Variants in NKD2 observed in about 807,000 individuals in gnomAD.
The protein encoded by NKD2 is NKD inhibitor of Wnt signaling pathway 2, also known as protein naked cuticle homolog 2.
A neutral mutation model predicts 34.8 loss-of-function variants in NKD2; 43 were observed. That is an observed-to-expected ratio of 1.24 (90% CI 0.97 to 1.60). The LOEUF is 1.60. NKD2 is among the 40% of genes most tolerant of loss of function. The pLI is 0.00. For synonymous variants in NKD2, 278 were observed against 265.1 expected (o/e 1.05, Z -0.47); for missense variants, 675 against 627.1 (o/e 1.08, Z -0.82).
At chr5:1,036,229 G>T in intron 8 of NKD2, 28 bp from the exon 9 acceptor site, 1 of 1,562,722 alleles carries the variant, frequency 6.4e-7, no homozygotes, top group East Asian at 2.3e-5. Flanking sequence ...CTGTGCGGGG[G>T]TCAGGCCCTT....
intron 3 of NKD2, among the ~76,000 whole-genome samples, chr5:1,026,989 A>G (rs1186905339): frequency 6.6e-6 from 1 of 152,214 alleles, no homozygotes; most frequent in Non-Finnish European, 1.5e-5. Flanking sequence ...CTGGCAGCCC[A>G]GTTTGTAGGA....
chr5:1,032,613 A>G lies in NKD2; in HGVS notation c.202+401A>G, dbSNP rs371638835. 2.6e-5 allele frequency among the ~76,000 whole-genome samples: 4 copies of G among 152,340 alleles called. No homozygotes were observed. In the South Asian group the frequency reaches 6.2e-4, roughly 24 times the overall value. ...TGCCACGCGTGTATGCCTCAGTGGC[A>G]CCAGTCCTACCTGTGGCGCGTGGCA... On this transcript the variant is annotated intron_variant, in intron 4 of 9. Transcript: ENST00000296849.
In NKD2 at chr5:1,038,187, G is replaced by A. The variant is rs1307299099; in HGVS notation, c.1170G>A (p.Arg390=). 1.9e-6 allele frequency: 3 copies of A among 1,588,966 alleles called. No individual in the cohort carries two copies. The East Asian group carries it at 6.8e-5, about 36-fold the overall frequency. Residue 390 remains arginine, a synonymous_variant, in exon 10 of 10, where the codon AGG becomes AGA. Transcript: ENST00000296849. This position sits in a 1 kb window ranked among gnomAD's most constrained non-coding sequence, Gnocchi z 4.5. ...YGHKRYRQKG[R]EGHSPLKAPH... is the part of the protein sequence containing the mutation. ...ACAAGCGGTACCGCCAAAAGGGCAG[G>A]GAGGGCCACTCGCCACTCAAGGCCC...
chr5:1,010,380 T>A (rs926875382), intron 3 of NKD2, among the ~76,000 whole-genome samples: 2 of 151,436 alleles, frequency 1.3e-5, no homozygotes, highest in Admixed American at 6.6e-5. Flanking sequence ...TCCCCAGAGG[T>A]CCCCAGACAC....
In NKD2 at chr5:1,035,376, A is replaced by AC. The variant is rs149700113; in HGVS notation, c.575-7dup. On this transcript the variant is annotated splice_polypyrimidine_tract_variant and intron_variant, in intron 7 of 9. Coordinates refer to ENST00000296849, the MANE Select transcript of NKD2 (RefSeq NM_033120.4). ...GAGGGAGGGAGTGAGTAATGGCAGG[A>AC]CCCCCCTTTCAGACCGGGAGCCCAC... 0.01 allele frequency: 16,120 copies of AC among 1,551,832 alleles called. 186 individuals are homozygous for AC. The highest frequency in any genetic ancestry group is 0.023 in the Middle Eastern group (137 of 5,986).
At chr5:1,037,772 C>A (rs374314505) in intron 9 of NKD2, 33 bp from the exon 10 acceptor site, 1 of 1,563,150 alleles carries the variant, frequency 6.4e-7, no homozygotes, top group Non-Finnish European at 8.6e-7. Context: ...AGCCTGCACT[C>A]CCAGGGCCTC....
chr5:1,030,018 G>GGGGC (rs1554003989), intron 3 of NKD2, among the ~76,000 whole-genome samples: 7 of 150,552 alleles, frequency 4.6e-5, no homozygotes, highest in African/African-American at 1.7e-4. Context: ...TGTGGTGCGG[G>GGGGC]GGGGGGGGTA....
chr5:1,029,643 G>A (rs751098869), intron 3 of NKD2, among the ~76,000 whole-genome samples: 6 of 152,152 alleles, frequency 3.9e-5, no homozygotes, highest in African/African-American at 2.4e-5. Context: ...TGCGTGATGT[G>A]CTGTTTCTCA....
Position 1,009,138 on chromosome 5 carries a change from T to C in NKD2, c.26-41T>C. The C allele has an allele frequency of 1.9e-6, 1 of 526,582 alleles. No individual in the cohort carries two copies. Among genetic ancestry groups the C allele is most frequent in the South Asian group, 2.5e-5 (1 of 40,294 alleles). 32.6% of individuals were successfully genotyped at this position (526,582 alleles called of 1,614,324 possible). A position where few individuals can be genotyped will look rare whatever the true frequency, so the allele number is the denominator to read the frequency against. On this transcript the variant is annotated intron_variant, in intron 1 of 9. Coordinates refer to ENST00000296849, the MANE Select transcript of NKD2 (RefSeq NM_033120.4). This position sits in a 1 kb window ranked among gnomAD's most constrained non-coding sequence, Gnocchi z 6.9. ...GGGCGGGCGGGCGTGGGGCCGCCTC[T>C]CACTGTCGTTTTCCTCTCCCCGCGT...
rs1579240156 is a variant in NKD2, at chr5:1,008,902, C to T, written c.-156C>T. ...CGGCCGTACCTGGCGCCCCCTGGCT[C>T]CCCCGGCCCCCGCGCGGCGTGGAGC... On this transcript the variant is annotated 5_prime_UTR_variant, in exon 1 of 10. Transcript: ENST00000296849. 8.0e-6 allele frequency: 3 copies of T among 375,008 alleles called. No homozygotes were observed. The highest frequency in any genetic ancestry group is 7.7e-5 in the East Asian group (2 of 25,982). The allele number at this position is 375,008 out of a possible 1,614,324, so 23.2% of individuals were successfully genotyped here. A position where few individuals can be genotyped will look rare whatever the true frequency, so the allele number is the denominator to read the frequency against.
intron 3 of NKD2, among the ~76,000 whole-genome samples, chr5:1,021,672 G>A (rs552347601): frequency 6.6e-6 from 1 of 151,848 alleles, no homozygotes; most frequent in Non-Finnish European, 1.5e-5. Context: ...CCAGACAGGC[G>A]CGCTGGCGGA....
intron 6 of NKD2, 134 bp downstream of exon 6, chr5:1,034,464 C>G (rs755590482): frequency 1.3e-6 from 1 of 785,774 alleles, no homozygotes; most frequent in African/African-American, 1.7e-5. Context: ...GCTGGGCTTG[C>G]GTCTCCCCAG....
rs919016443 is a variant in NKD2, at chr5:1,033,236, A to T, written c.203-136A>T. 1.4e-5 allele frequency: 12 copies of T among 861,676 alleles called. No homozygotes were observed. The African/African-American group carries it at 2.1e-4, about 15-fold the overall frequency. 53.4% of individuals were successfully genotyped at this position (861,676 alleles called of 1,614,324 possible). ...CCTCCCTCCCCTCCGCAGGGGTCCC[A>T]AGATCGGGCTCTCAGCTCAGGCCCG... is the stretch of plus-strand genomic sequence containing the variant. On this transcript the variant is annotated intron_variant, in intron 4 of 9. Coordinates refer to ENST00000296849, the MANE Select transcript of NKD2 (RefSeq NM_033120.4).
chr5:1,033,048 A>G (rs1399501140), intron 4 of NKD2, among the ~76,000 whole-genome samples: 1 of 151,976 alleles, frequency 6.6e-6, no homozygotes, highest in Admixed American at 6.5e-5. Context: ...GAGGGGGCCC[A>G]ATGATGACAC....
chr5:1,019,332 G>A (rs951572580), intron 3 of NKD2, among the ~76,000 whole-genome samples: 5 of 152,182 alleles, frequency 3.3e-5, no homozygotes, highest in Non-Finnish European at 2.9e-5. Context: ...ACAAAGATGC[G>A]CGTGGTCTTC....
At chr5:1,037,733 T>A (rs1734065020) in intron 9 of NKD2, 72 bp from the exon 10 acceptor site, 1 of 1,572,018 alleles carries the variant, frequency 6.4e-7, no homozygotes, top group Non-Finnish European at 8.6e-7. Context: ...CAGTGGGCCC[T>A]GGGCCGTTTC....
rs1755668540 is a variant in NKD2 at position 1,009,567 on chromosome 5, G to A, written c.141+7G>A. The stretch of plus-strand genomic sequence containing the variant: ...GCGCGCGCGGGACAAGCAGGTAGGC[G>A]GCGGGGCGGAGGCTGGGGTCGCGCT... On this transcript the variant is annotated splice_region_variant and intron_variant, in intron 3 of 9. Transcript: ENST00000296849. The surrounding 1 kb of genome is among the most constrained non-coding windows in gnomAD (Gnocchi z 6.9). 2 of 1,474,932 alleles carry A rather than the reference G, an allele frequency of 1.4e-6. No individual in the cohort carries two copies. Among genetic ancestry groups the A allele is most frequent in the Non-Finnish European group, 8.9e-7 (1 of 1,122,824 alleles). The allele number at this position is 1,474,932 out of a possible 1,614,324, so 91.4% of individuals were successfully genotyped here. A position where few individuals can be genotyped will look rare whatever the true frequency, so the allele number is the denominator to read the frequency against.
Position 1,038,688 on chromosome 5 carries a change from C to G in NKD2, c.*315C>G, listed in dbSNP as rs902828009. 2 of 602,598 alleles carry G rather than the reference C, an allele frequency of 3.3e-6. No individual in the cohort carries two copies. Among genetic ancestry groups the G allele is most frequent in the Middle Eastern group, 2.9e-4 (1 of 3,442 alleles). The allele number at this position is 602,598 out of a possible 1,614,324, so 37.3% of individuals were successfully genotyped here. A position where few individuals can be genotyped will look rare whatever the true frequency, so the allele number is the denominator to read the frequency against. ...AACCTGCTTTGATTCCAAAATGAGG[C>G]CCTGGAGTGCGCAAGGAGTGCCCGG... On this transcript the variant is annotated 3_prime_UTR_variant, in exon 10 of 10. Transcript: ENST00000296849. This position sits in a 1 kb window ranked among gnomAD's most constrained non-coding sequence, Gnocchi z 4.5.
At position 1,038,031 on chromosome 5, in the gene NKD2, G is replaced by A. The variant is rs768316471; in HGVS notation, c.1014G>A (p.Gly338=). ...TCCTCAAGTCCCCCAAGGGCTCCGG[G>A]AAGCCGCCTGGGGTGCCAGCCAGCA... ...KQFLKSPKGS[G]KPPGVPASSK... The change falls in exon 10 of 10, where the codon GGG becomes GGA. Residue 338 remains glycine (G), a synonymous_variant. Coordinates refer to ENST00000296849, the MANE Select transcript of NKD2 (RefSeq NM_033120.4). This position sits in a 1 kb window ranked among gnomAD's most constrained non-coding sequence, Gnocchi z 4.5. The A allele has an allele frequency of 2.9e-5, 46 of 1,609,112 alleles. No individual in the cohort carries two copies. Among genetic ancestry groups the A allele is most frequent in the Non-Finnish European group, 3.7e-5 (44 of 1,179,082 alleles).
Sources: allele counts gnomAD v4.1 joint callset (sites outside exome capture counted in the v4.1 genomes callset), GRCh38; gene constraint gnomAD v4.1.1; non-coding constraint Gnocchi (gnomAD v3.1); transcripts MANE v1.5; gene names NCBI Gene and HGNC (gene_info 2026-07-23, HGNC 2026-07-21).